Variants in SHROOM3 observed in about 807,000 individuals in gnomAD.
The protein encoded by SHROOM3 is protein Shroom3.
In SHROOM3, 47 loss-of-function variants were observed where a neutral mutation model predicts 138.6. The observed-to-expected ratio is 0.34, with a 90% CI of 0.27 to 0.43. The LOEUF (loss-of-function observed/expected upper bound fraction) is 0.43, where lower values mean the gene tolerates loss of function less well. Ranked by LOEUF, SHROOM3 falls within the 20% of genes least tolerant of loss-of-function variation. SHROOM3 has a pLI of 1.00. For synonymous variants in SHROOM3, 1,062 were observed against 1,063.3 expected, an observed-to-expected ratio of 1.00 and a Z score of 0.02; for missense variants, 2,491 against 2,596.5, an observed-to-expected ratio of 0.96 and a Z score of 0.88.
chr4:76,701,931 A>T (rs1325146763), intron 2 of SHROOM3, among the ~76,000 whole-genome samples: 1 of 152,250 alleles, frequency 6.6e-6, no homozygotes, highest in Non-Finnish European at 1.5e-5. Context: ...AGAAAAAATA[A>T]GGCTAATTTT....
At chr4:76,727,770 C>T (rs1407522509) in intron 3 of SHROOM3, among the ~76,000 whole-genome samples, 1 of 151,136 alleles carries the variant, frequency 6.6e-6, no homozygotes, top group Non-Finnish European at 1.5e-5. Flanking sequence ...AGCCTGTAAT[C>T]CCAGCTACTT....
Position 76,483,412 on chromosome 4 carries a change from G to A in SHROOM3, c.168+47192G>A, listed in dbSNP as rs372177023. ...TATGAAAAAAAGCTCATCATCACTG[G>A]TCATTAGAGAAATGCAAATCAAAAC... On this transcript the variant is annotated intron_variant, in intron 1 of 10. Transcript: ENST00000296043. Among the ~76,000 whole-genome samples the A allele has an allele frequency of 3.1e-3, 469 of 152,292 alleles. 3 individuals carry two copies. Among genetic ancestry groups the A allele is most frequent in the African/African-American group, 0.011 (444 of 41,562 alleles).
At chr4:76,731,135 T>C (rs892001616) in intron 4 of SHROOM3, among the ~76,000 whole-genome samples, 200 bp downstream of exon 4, 4 of 152,326 alleles carry the variant, frequency 2.6e-5, no homozygotes, top group South Asian at 2.1e-4. Context: ...CTAGATCAAC[T>C]TGAAGATCAG....
chr4:76,599,276 GAC>G (rs1404868740), intron 2 of SHROOM3, among the ~76,000 whole-genome samples: 2 of 152,130 alleles, frequency 1.3e-5, no homozygotes, highest in African/African-American at 4.8e-5. Context: ...TAGCTTTTGA[GAC>G]AGACGAAAAA....
chr4:76,545,641 A>G (rs1262820499), intron 1 of SHROOM3, among the ~76,000 whole-genome samples: 2 of 152,226 alleles, frequency 1.3e-5, no homozygotes, highest in Non-Finnish European at 2.9e-5. Flanking sequence ...GAAACAGTAG[A>G]AAAGTATTAA....
chr4:76,447,334 T>A (rs953945721), intron 1 of SHROOM3, among the ~76,000 whole-genome samples: 1 of 152,204 alleles, frequency 6.6e-6, no homozygotes, highest in African/African-American at 2.4e-5. Flanking sequence ...CTAGAATCAA[T>A]TGCCTTTCTC....
At chr4:76,524,430 G>A (rs1378921770) in intron 1 of SHROOM3, among the ~76,000 whole-genome samples, 2 of 152,194 alleles carry the variant, frequency 1.3e-5, no homozygotes, top group Non-Finnish European at 2.9e-5. Context: ...TGACTGGGGT[G>A]GACAGGAGAA....
chr4:76,459,892 A>G (rs1473354591), intron 1 of SHROOM3, among the ~76,000 whole-genome samples: 2 of 152,180 alleles, frequency 1.3e-5, no homozygotes, highest in African/African-American at 2.4e-5. Context: ...GCTACTTCTC[A>G]GTTTTTCCTA....
At chr4:76,486,276 C>T (rs1456342580) in intron 1 of SHROOM3, among the ~76,000 whole-genome samples, 4 of 152,128 alleles carry the variant, frequency 2.6e-5, no homozygotes, top group Non-Finnish European at 5.9e-5. Context: ...ACAGCTAATA[C>T]AGTTTGAAAA....
intron 2 of SHROOM3, among the ~76,000 whole-genome samples, chr4:76,684,909 T>A (rs993152550): frequency 6.6e-6 from 1 of 152,242 alleles, no homozygotes; most frequent in African/African-American, 2.4e-5. Context: ...TGGCCTTAAA[T>A]GCATTTCCCT....
At chr4:76,467,978 A>G (rs1334987442) in intron 1 of SHROOM3, among the ~76,000 whole-genome samples, 1 of 152,238 alleles carries the variant, frequency 6.6e-6, no homozygotes, top group Non-Finnish European at 1.5e-5. Context: ...GGTGGGACAT[A>G]AGGAAATATA....
At chr4:76,758,072 G>A (rs187307953) in intron 8 of SHROOM3, 2 of 152,290 alleles carry the variant, frequency 1.3e-5, no homozygotes, top group East Asian at 3.9e-4. Context: ...CATTGTCAGA[G>A]GCTCTTCTGA....
At chr4:76,465,821 T>C (rs2109978588) in intron 1 of SHROOM3, among the ~76,000 whole-genome samples, 1 of 152,340 alleles carries the variant, frequency 6.6e-6, no homozygotes, top group South Asian at 2.1e-4. Context: ...TGGGAAAGCA[T>C]AATTTCACTT....
At chr4:76,542,648 A>G (rs576154467) in intron 1 of SHROOM3, among the ~76,000 whole-genome samples, 1 of 152,332 alleles carries the variant, frequency 6.6e-6, no homozygotes, top group African/African-American at 2.4e-5. Flanking sequence ...AAGGAAACCA[A>G]TTCTACCCTG....
chr4:76,538,071 C>G (rs971316654), intron 1 of SHROOM3, among the ~76,000 whole-genome samples: 7 of 152,108 alleles, frequency 4.6e-5, no homozygotes, highest in Non-Finnish European at 8.8e-5. Flanking sequence ...CCACTCCCAG[C>G]TAATTTTCAT....
At chr4:76,686,858 G>A (rs1719350647) in intron 2 of SHROOM3, among the ~76,000 whole-genome samples, 1 of 152,228 alleles carries the variant, frequency 6.6e-6, no homozygotes, top group African/African-American at 2.4e-5. Flanking sequence ...CTGGCTGCCA[G>A]TGTTGTGGGT....
At position 76,778,222 on chromosome 4, in the gene SHROOM3, A is replaced by ATTT. The variant is rs71212454; in HGVS notation, c.5623-572_5623-570dup. 3.2e-3 allele frequency among the ~76,000 whole-genome samples: 448 copies of ATTT among 139,926 alleles called. 2 individuals carry two copies. Among genetic ancestry groups the ATTT allele is most frequent in the African/African-American group, 0.01 (382 of 37,916 alleles). The allele number at this position is 139,926 out of a possible 152,430, so 91.8% of individuals were successfully genotyped here. The stretch of plus-strand genomic sequence containing the variant: ...TGTATATACTCAAGGTACCTTGATG[A>ATTT]TTTTTTTTTTTTTTTTTGAGACAAG... On this transcript the variant is annotated intron_variant, in intron 10 of 10. Transcript: ENST00000296043.
intron 2 of SHROOM3, among the ~76,000 whole-genome samples, chr4:76,590,638 C>T (rs1484189980): frequency 4.6e-5 from 7 of 152,066 alleles, no homozygotes; most frequent in Admixed American, 1.3e-4. Flanking sequence ...GAAAAGCCCC[C>T]GCATCCTACA....
rs1718644078 is a variant in SHROOM3 at position 76,664,673 on chromosome 4, C to T, written c.324-45483C>T. The stretch of plus-strand genomic sequence containing the variant: ...ACATACTCACATACATTAAATTTGT[C>T]ATCTTAACCAGTTTTAAGTGTATAG... On this transcript the variant is annotated intron_variant, in intron 2 of 10. Transcript: ENST00000296043. This position sits in a 1 kb window ranked among gnomAD's most constrained non-coding sequence, Gnocchi z 4.2. Among the ~76,000 whole-genome samples, 1 of 152,150 alleles carries T rather than the reference C, an allele frequency of 6.6e-6. No homozygotes were observed. The highest frequency in any genetic ancestry group is 2.1e-4 in the South Asian group (1 of 4,826).
Sources: gnomAD v4.1 joint callset for allele counts (sites outside exome capture counted in the v4.1 genomes callset) on GRCh38, gnomAD v4.1.1 for gene constraint, Gnocchi (gnomAD v3.1) non-coding constraint, MANE v1.5 for transcripts, NCBI Gene and HGNC (gene_info 2026-07-23, HGNC 2026-07-21) for gene names.